Variants in NUBPL observed in about 807,000 individuals in gnomAD.
NUBPL encodes the protein iron-sulfur cluster transfer protein NUBPL.
In NUBPL, 31 loss-of-function variants were observed where a neutral mutation model predicts 45.7. That is an observed-to-expected ratio of 0.68 (90% confidence interval 0.51 to 0.92). NUBPL has a LOEUF of 0.92. Among genes scored for constraint, NUBPL ranks in the 40% least tolerant of loss-of-function variants. The probability of loss-of-function intolerance (pLI) is 0.00; values close to 1 mark genes in which losing one functional copy is unlikely to be tolerated. For missense variants in NUBPL, 401 were observed against 398.7 expected (o/e 1.01, Z -0.05); for synonymous variants, 144 against 140.9 (o/e 1.02, Z -0.15).
At chr14:31,828,598 T>A (rs2138973478) in intron 8 of NUBPL, among the ~76,000 whole-genome samples, 1 of 152,240 alleles carries the variant, frequency 6.6e-6, no homozygotes, top group African/African-American at 2.4e-5. Flanking sequence ...TTTTTAAAAT[T>A]TTACCCCCTA....
chr14:31,589,684 A>G (rs923942074), intron 3 of NUBPL, among the ~76,000 whole-genome samples: 11 of 152,100 alleles, frequency 7.2e-5, no homozygotes, highest in African/African-American at 2.4e-4. Flanking sequence ...GCACACACAC[A>G]CCACATTCAC....
chr14:31,808,828 G>A (rs891037117), intron 7 of NUBPL, among the ~76,000 whole-genome samples: 1 of 152,068 alleles, frequency 6.6e-6, no homozygotes, highest in Non-Finnish European at 1.5e-5. Flanking sequence ...TAGCATGAAG[G>A]GCTGTTGAAT....
chr14:31,634,774 T>C (rs1229962525), intron 4 of NUBPL, among the ~76,000 whole-genome samples: 2 of 150,974 alleles, frequency 1.3e-5, no homozygotes, highest in Non-Finnish European at 1.5e-5. Context: ...TTTTAATGAT[T>C]GCCATTCTAA....
chr14:31,615,327 G>T (rs1386297803), intron 4 of NUBPL, among the ~76,000 whole-genome samples: 1 of 151,996 alleles, frequency 6.6e-6, no homozygotes, highest in African/African-American at 2.4e-5. Flanking sequence ...TTAAGTTCTG[G>T]GGTACATGTG....
intron 4 of NUBPL, among the ~76,000 whole-genome samples, chr14:31,664,168 A>G (rs2036346066): frequency 6.6e-6 from 1 of 152,176 alleles, no homozygotes; most frequent in Non-Finnish European, 1.5e-5. Context: ...TAAATAAACA[A>G]TCATGTCATC....
At chr14:31,701,848 A>G (rs1013332786) in intron 6 of NUBPL, among the ~76,000 whole-genome samples, 2 of 152,204 alleles carry the variant, frequency 1.3e-5, no homozygotes, top group African/African-American at 4.8e-5. Context: ...CAGACACAAT[A>G]GTTTCACCTA....
At chr14:31,713,636 A>G (rs1336515925) in intron 6 of NUBPL, among the ~76,000 whole-genome samples, 4 of 152,172 alleles carry the variant, frequency 2.6e-5, no homozygotes, top group African/African-American at 9.7e-5. Flanking sequence ...AATGATTTCT[A>G]GCCTTGCTCA....
intron 6 of NUBPL, among the ~76,000 whole-genome samples, chr14:31,755,926 G>A (rs1316170194): frequency 6.6e-6 from 1 of 151,610 alleles, no homozygotes; most frequent in East Asian, 1.9e-4. Context: ...TGGCTAGCCA[G>A]TTTTCCCAGC....
chr14:31,737,068 G>C (rs74043606), intron 6 of NUBPL, among the ~76,000 whole-genome samples: 24,505 of 147,430 alleles, frequency 0.17, 5,633 homozygotes, highest in African/African-American at 0.52. Context: ...TTGGATATGC[G>C]CCCTTTGTCA....
At chr14:31,848,969 G>GT (rs1318111220) in intron 9 of NUBPL, among the ~76,000 whole-genome samples, 6 of 152,136 alleles carry the variant, frequency 3.9e-5, no homozygotes, top group Non-Finnish European at 8.8e-5. Flanking sequence ...GCTTGCTCCT[G>GT]TGACAGTTTC....
intron 3 of NUBPL, among the ~76,000 whole-genome samples, chr14:31,569,082 A>G (rs2033512995): frequency 6.6e-6 from 1 of 152,232 alleles, no homozygotes; most frequent in African/African-American, 2.4e-5. Context: ...TGATTGGGGT[A>G]CATGATCAGA....
chr14:31,837,099 A>G lies in NUBPL; in HGVS notation c.694-9372A>G, dbSNP rs143022794. Reference sequence around the variant, plus strand: ...CAGGTGCAGAGGCTGAGGTGGGAGGATTGCTTGAAGCCGGGAGTTAAAGAC... The same window carrying G: ...CAGGTGCAGAGGCTGAGGTGGGAGGGTTGCTTGAAGCCGGGAGTTAAAGAC... On this transcript the variant is annotated intron_variant, in intron 8 of 10. Transcript: ENST00000281081. Among the ~76,000 whole-genome samples, 31 of 152,278 alleles carry G rather than the reference A, an allele frequency of 2.0e-4. 1 individual carries two copies. In the East Asian group the frequency reaches 6.0e-3, roughly 29 times the overall value.
intron 4 of NUBPL, among the ~76,000 whole-genome samples, chr14:31,607,891 G>T (rs1231648178): frequency 6.6e-6 from 1 of 151,932 alleles, no homozygotes; most frequent in Non-Finnish European, 1.5e-5. Flanking sequence ...GTACAATAAG[G>T]TTATAAAACA....
At chr14:31,822,457 T>C (rs2040033303) in intron 7 of NUBPL, among the ~76,000 whole-genome samples, 1 of 152,188 alleles carries the variant, frequency 6.6e-6, no homozygotes, top group Non-Finnish European at 1.5e-5. Flanking sequence ...TTTAGGGCTA[T>C]CTGAAATAAT....
intron 8 of NUBPL, among the ~76,000 whole-genome samples, chr14:31,843,004 C>G (rs980294530): frequency 5.3e-5 from 8 of 152,146 alleles, no homozygotes; most frequent in Admixed American, 1.3e-4. Flanking sequence ...TATCAACTCT[C>G]AAATTTCAGT....
At chr14:31,711,935 C>T (rs966257760) in intron 6 of NUBPL, among the ~76,000 whole-genome samples, 25 of 151,908 alleles carry the variant, frequency 1.6e-4, no homozygotes, top group Admixed American at 3.9e-4. Context: ...TTCGTGGTCT[C>T]GCTGGCTTCA....
chr14:31,692,111 AT>A (rs1291099066), intron 6 of NUBPL, among the ~76,000 whole-genome samples: 8 of 152,208 alleles, frequency 5.3e-5, no homozygotes, highest in Non-Finnish European at 8.8e-5. Context: ...TGAGTATTAG[AT>A]TTATCAGTAT....
At chr14:31,635,229 C>T (rs1051048458) in intron 4 of NUBPL, among the ~76,000 whole-genome samples, 179 of 152,034 alleles carry the variant, frequency 1.2e-3, no homozygotes, top group African/African-American at 4.1e-3. Flanking sequence ...TTAGGTCTAA[C>T]GTTTAAGTCT....
intron 10 of NUBPL, among the ~76,000 whole-genome samples, chr14:31,858,143 CA>C (rs2040655025): frequency 6.6e-6 from 1 of 152,024 alleles, no homozygotes; most frequent in Admixed American, 6.5e-5. Context: ...TGGTGGCAGG[CA>C]AAAAGAGAGC....
Sources: allele counts gnomAD v4.1 joint callset (sites outside exome capture counted in the v4.1 genomes callset), GRCh38; gene constraint gnomAD v4.1.1; transcripts MANE v1.5; gene names NCBI Gene and HGNC (gene_info 2026-07-23, HGNC 2026-07-21).